Variants in SDCCAG8 observed in about 807,000 individuals in gnomAD.
SDCCAG8 encodes the protein serologically defined colon cancer antigen 8.
Under a neutral mutation model 101.8 loss-of-function variants are expected in SDCCAG8, and 74 were observed. The observed-to-expected ratio is 0.73, with a 90% confidence interval of 0.60 to 0.88. The LOEUF (loss-of-function observed/expected upper bound fraction) is 0.88. SDCCAG8 is among the 40% of genes least tolerant of loss of function. SDCCAG8 has a pLI of 0.00. For missense variants in SDCCAG8, 787 were observed against 822.6 expected, an observed-to-expected ratio of 0.96 and a Z score of 0.53; for synonymous variants, 281 against 292.9, an observed-to-expected ratio of 0.96 and a Z score of 0.41.
At chr1:243,307,448 A>G (rs2072263577) in intron 7 of SDCCAG8, 2 of 981,264 alleles carry the variant, frequency 2.0e-6, no homozygotes, top group East Asian at 2.3e-4. Context: ...TCTATCTAAC[A>G]GTAATGTTTT....
chr1:243,340,229 G>A (rs1306358242), intron 10 of SDCCAG8, among the ~76,000 whole-genome samples: 1 of 152,198 alleles, frequency 6.6e-6, no homozygotes, highest in Non-Finnish European at 1.5e-5. Flanking sequence ...GAGGTACACA[G>A]AGGTTGTGGT....
chr1:243,279,844 CAT>C (rs1490234373), intron 4 of SDCCAG8, among the ~76,000 whole-genome samples: 2 of 152,076 alleles, frequency 1.3e-5, no homozygotes, highest in Non-Finnish European at 2.9e-5. Context: ...GTTCATTAGA[CAT>C]ATTGATCTGT....
chr1:243,307,920 T>C (rs2072320727), intron 7 of SDCCAG8, 69 bp from the exon 8 acceptor site: 4 of 1,602,470 alleles, frequency 2.5e-6, no homozygotes, highest in Admixed American at 3.3e-5. Flanking sequence ...GTTAACATTA[T>C]GATGATTCAT....
intron 1 of SDCCAG8, among the ~76,000 whole-genome samples, chr1:243,258,831 G>A (rs1456701080): frequency 3.3e-5 from 5 of 152,172 alleles, no homozygotes; most frequent in Admixed American, 2.6e-4. Context: ...ATAAAATGCA[G>A]TTTAAAGTTC....
At chr1:243,289,588 C>T (rs2070012566) in intron 5 of SDCCAG8, among the ~76,000 whole-genome samples, 1 of 152,124 alleles carries the variant, frequency 6.6e-6, no homozygotes, top group African/African-American at 2.4e-5. Flanking sequence ...TTTGCAGTAC[C>T]CACACAAGGC....
chr1:243,403,523 C>T (rs1393907688), intron 13 of SDCCAG8, among the ~76,000 whole-genome samples: 2 of 152,098 alleles, frequency 1.3e-5, no homozygotes, highest in African/African-American at 2.4e-5. Flanking sequence ...AGGAGAGGTA[C>T]TGTTATTAAC....
chr1:243,412,608 C>T (rs990547950), intron 13 of SDCCAG8, among the ~76,000 whole-genome samples: 15 of 150,786 alleles, frequency 9.9e-5, no homozygotes, highest in African/African-American at 3.7e-4. Context: ...TTTTTTTTTC[C>T]CAGCTCATCA....
chr1:243,257,713 C>T (rs1158390390), intron 1 of SDCCAG8, among the ~76,000 whole-genome samples: 1 of 152,132 alleles, frequency 6.6e-6, no homozygotes, highest in Non-Finnish European at 1.5e-5. Flanking sequence ...ATTCAAACTG[C>T]AGGAGTAAAA....
chr1:243,402,950 A>G (rs942038283), intron 13 of SDCCAG8, among the ~76,000 whole-genome samples: 17 of 152,194 alleles, frequency 1.1e-4, no homozygotes, highest in Non-Finnish European at 4.4e-5. Flanking sequence ...GATTAAATAT[A>G]CCAGCATCAC....
At chr1:243,380,978 A>G (rs1389100584) in intron 13 of SDCCAG8, among the ~76,000 whole-genome samples, 2 of 151,918 alleles carry the variant, frequency 1.3e-5, no homozygotes, top group Admixed American at 6.6e-5. Context: ...ACCCCTCACC[A>G]TACTTTATTG....
At chr1:243,443,286 G>T (rs2082669504) in intron 16 of SDCCAG8, among the ~76,000 whole-genome samples, 1 of 152,192 alleles carries the variant, frequency 6.6e-6, no homozygotes, top group Non-Finnish European at 1.5e-5. Flanking sequence ...ATACAAAAAG[G>T]GCGAAGAAGA....
intron 16 of SDCCAG8, among the ~76,000 whole-genome samples, chr1:243,427,610 A>G (rs985266337): frequency 6.6e-6 from 1 of 152,030 alleles, no homozygotes; most frequent in Non-Finnish European, 1.5e-5. Flanking sequence ...ACAGTTCTTG[A>G]TATAATTGAA....
chr1:243,348,037 C>CTT lies in SDCCAG8; in HGVS notation c.1473+3721_1473+3722dup, dbSNP rs1181379015. On this transcript the variant is annotated intron_variant, in intron 12 of 17. Coordinates refer to ENST00000366541, the MANE Select transcript of SDCCAG8 (RefSeq NM_006642.5). Reference sequence around the variant, plus strand: ...CTGGACATGCATTTTTTTTTTTTTTCTTTTTTTTTTTTTTTTAGGACGGAG... The same window carrying CTT: ...CTGGACATGCATTTTTTTTTTTTTTCTTTTTTTTTTTTTTTTTTAGGACGGAG... Among the ~76,000 whole-genome samples, 986 of 103,360 alleles carry CTT rather than the reference C, an allele frequency of 9.5e-3. 32 individuals are homozygous for CTT. The highest frequency in any genetic ancestry group is 0.032 in the African/African-American group (840 of 26,384). 67.8% of individuals were successfully genotyped at this position (103,360 alleles called of 152,430 possible). A position where few individuals can be genotyped will look rare whatever the true frequency, so the allele number is the denominator to read the frequency against.
intron 4 of SDCCAG8, among the ~76,000 whole-genome samples, chr1:243,275,667 G>A (rs2068481288): frequency 6.6e-6 from 1 of 151,934 alleles, no homozygotes; most frequent in East Asian, 1.9e-4. Context: ...AAGATATAAA[G>A]CAGAATAAAT....
chr1:243,293,326 C>G, intron 6 of SDCCAG8, 107 bp downstream of exon 6: 2 of 1,136,318 alleles, frequency 1.8e-6, no homozygotes, highest in Non-Finnish European at 2.6e-6. Flanking sequence ...CCATTATAAC[C>G]ATTTTTAAGC....
chr1:243,436,734 A>G (rs936746498), intron 16 of SDCCAG8, among the ~76,000 whole-genome samples: 2 of 152,198 alleles, frequency 1.3e-5, no homozygotes, highest in African/African-American at 4.8e-5. Context: ...TAACCTGCCA[A>G]TTTTAATATT....
intron 16 of SDCCAG8, among the ~76,000 whole-genome samples, chr1:243,454,510 C>A (rs1030382750): frequency 6.6e-6 from 1 of 151,984 alleles, no homozygotes; most frequent in Non-Finnish European, 1.5e-5. Context: ...GCACCACAGC[C>A]TACATCACTG....
At chr1:243,354,000 G>A (rs1390290096) in intron 12 of SDCCAG8, among the ~76,000 whole-genome samples, 1 of 152,160 alleles carries the variant, frequency 6.6e-6, no homozygotes, top group Middle Eastern at 3.2e-3. Context: ...TGGAGGATTA[G>A]CACATGACTG....
At chr1:243,398,797 CCAATAGCTTCCCAGAAATATGTAA>C (rs1472527881) in intron 13 of SDCCAG8, among the ~76,000 whole-genome samples, 1 of 152,158 alleles carries the variant, frequency 6.6e-6, no homozygotes, top group Non-Finnish European at 1.5e-5. Flanking sequence ...ATAGGTAGAA[CCAATAGCTTCCCAGAAATATGTAA>C]ATTTAGTTGT....
Sources: gnomAD v4.1 joint callset for allele counts (sites outside exome capture counted in the v4.1 genomes callset) on GRCh38, gnomAD v4.1.1 for gene constraint, MANE v1.5 for transcripts, NCBI Gene and HGNC (gene_info 2026-07-23, HGNC 2026-07-21) for gene names.